Variants in CDYL2 observed in about 807,000 individuals in gnomAD.
CDYL2 encodes chromodomain Y like 2, also known as chromodomain Y-like protein 2.
CDYL2 carries 23 observed loss-of-function variants against 49.4 expected under a neutral mutation model. The ratio of observed to expected loss-of-function variants is 0.47; its 90% confidence interval spans 0.34 to 0.66. CDYL2 has a LOEUF of 0.66. Ranked by LOEUF, CDYL2 falls within the 30% of genes least tolerant of loss-of-function variation. The probability of loss-of-function intolerance (pLI) is 0.01; values close to 1 mark genes in which losing one functional copy is unlikely to be tolerated. For missense variants in CDYL2, 678 were observed against 656.4 expected (o/e 1.03, Z -0.36); for synonymous variants, 360 against 268.8 (o/e 1.34, Z -3.32).
At chr16:80,803,937 C>A (rs1908011744) in intron 1 of CDYL2, among the ~76,000 whole-genome samples, 1 of 141,294 alleles carries the variant, frequency 7.1e-6, no homozygotes, top group South Asian at 2.2e-4. Context: ...AAAGAGGGAG[C>A]GGGCGCGGGC....
chr16:80,702,791 G>A (rs1053560853), intron 1 of CDYL2, among the ~76,000 whole-genome samples: 34 of 152,114 alleles, frequency 2.2e-4, no homozygotes, highest in African/African-American at 7.0e-4. Context: ...TGGCCTCCTG[G>A]AGGATGAGTA....
At chr16:80,694,359 C>T (rs1023858538) in intron 1 of CDYL2, among the ~76,000 whole-genome samples, 2 of 152,050 alleles carry the variant, frequency 1.3e-5, no homozygotes, top group Admixed American at 6.5e-5. Flanking sequence ...GGTTAGGAAC[C>T]CCTGCTCTAG....
At chr16:80,693,893 A>G (rs972688102) in intron 1 of CDYL2, among the ~76,000 whole-genome samples, 11 of 152,346 alleles carry the variant, frequency 7.2e-5, no homozygotes, top group African/African-American at 2.6e-4. Context: ...TGACAAATGA[A>G]TCTCACTGTA....
intron 2 of CDYL2, among the ~76,000 whole-genome samples, chr16:80,649,393 A>G (rs1185369475): frequency 6.6e-6 from 1 of 152,184 alleles, no homozygotes; most frequent in African/African-American, 2.4e-5. Context: ...CAATAGCCAC[A>G]AATAAAATTA....
chr16:80,801,951 G>A (rs1907939057), intron 1 of CDYL2, among the ~76,000 whole-genome samples: 1 of 152,094 alleles, frequency 6.6e-6, no homozygotes, highest in Non-Finnish European at 1.5e-5. Flanking sequence ...TTTTAGTAAT[G>A]ACTATGCAAA....
chr16:80,797,852 G>T (rs1328901952), intron 1 of CDYL2, among the ~76,000 whole-genome samples: 1 of 152,058 alleles, frequency 6.6e-6, no homozygotes, highest in African/African-American at 2.4e-5. Flanking sequence ...ACATTAACTG[G>T]CTGCCCTACT....
chr16:80,763,638 A>G (rs910471885), intron 1 of CDYL2, among the ~76,000 whole-genome samples: 31 of 151,980 alleles, frequency 2.0e-4, no homozygotes, highest in Admixed American at 1.7e-3. Flanking sequence ...AAAAAAAAAC[A>G]CTTCTCATCA....
chr16:80,709,018 C>A (rs975562455), intron 1 of CDYL2, among the ~76,000 whole-genome samples: 2 of 152,188 alleles, frequency 1.3e-5, no homozygotes, highest in African/African-American at 4.8e-5. Context: ...TGAACAGAAG[C>A]GTAAGGCGCC....
intron 3 of CDYL2, chr16:80,627,953 C>G (rs1444857059): frequency 1.3e-5 from 2 of 152,186 alleles, no homozygotes; most frequent in African/African-American, 4.8e-5. Context: ...GGGTTTACAC[C>G]CAGATAACCA....
chr16:80,762,493 A>C (rs1906566504), intron 1 of CDYL2, among the ~76,000 whole-genome samples: 1 of 152,208 alleles, frequency 6.6e-6, no homozygotes, highest in Admixed American at 6.5e-5. Context: ...CACAATCGCC[A>C]AAGCGTCAGA....
chr16:80,683,121 A>C (rs1047574659), intron 2 of CDYL2, among the ~76,000 whole-genome samples: 5 of 152,250 alleles, frequency 3.3e-5, no homozygotes, highest in South Asian at 4.1e-4. Flanking sequence ...TCATCACCCC[A>C]ACCTTCTGTG....
chr16:80,719,873 C>G (rs1175070726), intron 1 of CDYL2, among the ~76,000 whole-genome samples: 1 of 152,198 alleles, frequency 6.6e-6, no homozygotes, highest in Admixed American at 6.5e-5. Flanking sequence ...TGGGACCTGC[C>G]TTGGCTACCT....
intron 1 of CDYL2, among the ~76,000 whole-genome samples, chr16:80,746,695 GCA>G (rs1905942780): frequency 6.6e-6 from 1 of 152,158 alleles, no homozygotes; most frequent in South Asian, 2.1e-4. Flanking sequence ...GCCCCCTTTT[GCA>G]GGTGTGAGGG....
At chr16:80,692,660 A>C (rs1330015454) in intron 1 of CDYL2, among the ~76,000 whole-genome samples, 38 of 152,344 alleles carry the variant, frequency 2.5e-4, no homozygotes, top group Non-Finnish European at 1.0e-4. Context: ...TTTTCAAAGG[A>C]TTACTTGCAT....
chr16:80,758,606 G>A (rs890727574), intron 1 of CDYL2, among the ~76,000 whole-genome samples: 11 of 141,910 alleles, frequency 7.8e-5, no homozygotes, highest in African/African-American at 2.6e-4. Flanking sequence ...GCAGTGGCAC[G>A]ATCTCCGCTC....
chr16:80,694,126 C>G (rs1277944083), intron 1 of CDYL2, among the ~76,000 whole-genome samples: 1 of 152,222 alleles, frequency 6.6e-6, no homozygotes, highest in African/African-American at 2.4e-5. Flanking sequence ...TGTTCCACCT[C>G]AGATCATCAG....
chr16:80,766,545 G>A (rs1277733308), intron 1 of CDYL2, among the ~76,000 whole-genome samples: 1 of 152,128 alleles, frequency 6.6e-6, no homozygotes, highest in African/African-American at 2.4e-5. Flanking sequence ...ATAAGTATCA[G>A]AAGTTTTTTA....
intron 1 of CDYL2, among the ~76,000 whole-genome samples, chr16:80,730,523 A>G (rs1441523629): frequency 6.6e-6 from 1 of 152,046 alleles, no homozygotes; most frequent in Non-Finnish European, 1.5e-5. Flanking sequence ...TACCAGAGGT[A>G]CAAGGAGGAA....
intron 2 of CDYL2, among the ~76,000 whole-genome samples, chr16:80,634,578 C>T (rs926260048): frequency 5.3e-5 from 8 of 151,964 alleles, no homozygotes; most frequent in Admixed American, 1.3e-4. Flanking sequence ...CAAACCAACA[C>T]GACACATGTA....
Sources: gnomAD v4.1 joint callset for allele counts (sites outside exome capture counted in the v4.1 genomes callset) on GRCh38, gnomAD v4.1.1 for gene constraint, MANE v1.5 for transcripts, NCBI Gene and HGNC (gene_info 2026-07-23, HGNC 2026-07-21) for gene names.